Variants in SUCLG2 observed in about 807,000 individuals in gnomAD.
SUCLG2 encodes succinate-CoA ligase GDP-forming subunit beta, also known as succinate--CoA ligase [GDP-forming] subunit beta, mitochondrial.
A neutral mutation model predicts 47.9 loss-of-function variants in SUCLG2; 42 were observed. That is an observed-to-expected ratio of 0.88 (90% CI 0.69 to 1.14). The LOEUF (loss-of-function observed/expected upper bound fraction) is 1.14, where lower values mean the gene tolerates loss of function less well. Among genes scored for constraint, SUCLG2 ranks in the 50% most tolerant of loss-of-function variants. SUCLG2 has a pLI of 0.00. For missense variants in SUCLG2, 571 were observed against 525.9 expected (o/e 1.09, Z -0.84); for synonymous variants, 195 against 197.3 (o/e 0.99, Z 0.10).
chr3:67,447,807 G>A (rs1337702495), intron 9 of SUCLG2, among the ~76,000 whole-genome samples: 1 of 152,162 alleles, frequency 6.6e-6, no homozygotes, highest in African/African-American at 2.4e-5. Flanking sequence ...TCAGCTCACT[G>A]CAACCTCTGC....
intron 9 of SUCLG2, among the ~76,000 whole-genome samples, chr3:67,404,599 G>A (rs551996157): frequency 6.6e-6 from 1 of 152,126 alleles, no homozygotes; most frequent in Non-Finnish European, 1.5e-5. Flanking sequence ...ACCCTAAGAG[G>A]AAAGTCACCA....
At chr3:67,458,113 G>A (rs1406863749) in intron 9 of SUCLG2, among the ~76,000 whole-genome samples, 4 of 152,118 alleles carry the variant, frequency 2.6e-5, no homozygotes, top group African/African-American at 4.8e-5. Flanking sequence ...CTGGGGATGA[G>A]GGAAGAGGCC....
chr3:67,609,815 T>C (rs779200506), intron 1 of SUCLG2, among the ~76,000 whole-genome samples: 9 of 152,148 alleles, frequency 5.9e-5, no homozygotes, highest in Non-Finnish European at 8.8e-5. Context: ...ATGCAGGTTT[T>C]TTAAAAATGC....
At chr3:67,546,778 G>A (rs1418734005) in intron 2 of SUCLG2, among the ~76,000 whole-genome samples, 1 of 149,548 alleles carries the variant, frequency 6.7e-6, no homozygotes, top group African/African-American at 2.5e-5. Flanking sequence ...GCAGGTGCCT[G>A]TAATCCCAGC....
At chr3:67,585,780 T>C (rs1157264781) in intron 2 of SUCLG2, among the ~76,000 whole-genome samples, 1 of 151,924 alleles carries the variant, frequency 6.6e-6, no homozygotes, top group East Asian at 1.9e-4. Context: ...CTGGCTGACA[T>C]GGCAAAACCC....
intron 9 of SUCLG2, among the ~76,000 whole-genome samples, chr3:67,463,494 T>G (rs562336218): frequency 6.6e-6 from 1 of 152,226 alleles, no homozygotes; most frequent in African/African-American, 2.4e-5. Flanking sequence ...AAGGAAACTA[T>G]GACAAAGGAT....
In SUCLG2 at chr3:67,475,988, CCTCT is replaced by C. The variant is rs113119377; in HGVS notation, c.1062+19806_1062+19809del. Among the ~76,000 whole-genome samples the C allele has an allele frequency of 2.2e-3, 316 of 146,040 alleles. 1 individual carries two copies. The highest frequency in any genetic ancestry group is 3.8e-3 in the East Asian group (19 of 4,944). Reference sequence around the variant, plus strand: ...TGAGTATTCCTTCCCTTTCCTTCTCCCTCTCTCTCTCTCTCTCTCTCTCTCACAA... The same window carrying C: ...TGAGTATTCCTTCCCTTTCCTTCTCCCTCTCTCTCTCTCTCTCTCTCACAA... On this transcript the variant is annotated intron_variant, in intron 9 of 10. Coordinates refer to ENST00000307227, the MANE Select transcript of SUCLG2 (RefSeq NM_003848.4).
chr3:67,610,819 T>C (rs1700514774), intron 1 of SUCLG2, among the ~76,000 whole-genome samples: 1 of 152,212 alleles, frequency 6.6e-6, no homozygotes, highest in South Asian at 2.1e-4. Flanking sequence ...ACTGTGTCCT[T>C]AAAATGTCAT....
At chr3:67,494,333 G>A (rs150550072) in intron 9 of SUCLG2, among the ~76,000 whole-genome samples, 3,310 of 152,240 alleles carry the variant, frequency 0.022, 47 homozygotes, top group Non-Finnish European at 0.036. Flanking sequence ...TTGAGACAAT[G>A]ATTCTCAAAT....
intron 9 of SUCLG2, among the ~76,000 whole-genome samples, chr3:67,432,139 G>C (rs925495481): frequency 6.6e-6 from 1 of 152,130 alleles, no homozygotes; most frequent in Non-Finnish European, 1.5e-5. Context: ...AGGCTAGATG[G>C]GAGGCTAACT....
At chr3:67,430,694 T>C (rs942806366) in intron 9 of SUCLG2, among the ~76,000 whole-genome samples, 2 of 152,008 alleles carry the variant, frequency 1.3e-5, no homozygotes, top group Admixed American at 6.5e-5. Flanking sequence ...ACAAAATTGA[T>C]AGACCACTAG....
chr3:67,553,088 C>T (rs1448246719), intron 2 of SUCLG2, among the ~76,000 whole-genome samples: 2 of 152,190 alleles, frequency 1.3e-5, no homozygotes, highest in Non-Finnish European at 2.9e-5. Context: ...TCTCCCATCC[C>T]AACCAAGAAG....
Position 67,402,377 on chromosome 3 carries a change from CTT to C in SUCLG2, c.1063-1528_1063-1527del, listed in dbSNP as rs369361729. On this transcript the variant is annotated intron_variant, in intron 9 of 10. Coordinates refer to ENST00000307227, the MANE Select transcript of SUCLG2 (RefSeq NM_003848.4). ...AATTCAAATATAATGGAAATACAAA[CTT>C]ATTGAAATTCAACAAAAAGGTAATG... 5.0e-3 allele frequency among the ~76,000 whole-genome samples: 766 copies of C among 152,266 alleles called. 3 individuals carry two copies. Among genetic ancestry groups the C allele is most frequent in the South Asian group, 8.1e-3 (39 of 4,824 alleles).
At chr3:67,428,139 G>C (rs1309434534) in intron 9 of SUCLG2, among the ~76,000 whole-genome samples, 1 of 152,170 alleles carries the variant, frequency 6.6e-6, no homozygotes, top group East Asian at 1.9e-4. Flanking sequence ...TGGACAGACT[G>C]CCTCCTCAAG....
At chr3:67,433,023 G>T (rs897660178) in intron 9 of SUCLG2, among the ~76,000 whole-genome samples, 3 of 152,190 alleles carry the variant, frequency 2.0e-5, no homozygotes, top group African/African-American at 7.2e-5. Flanking sequence ...ATAAAGCTGA[G>T]ATGGTATCTT....
chr3:67,456,390 T>A (rs916130090), intron 9 of SUCLG2, among the ~76,000 whole-genome samples: 1 of 152,208 alleles, frequency 6.6e-6, no homozygotes, highest in Non-Finnish European at 1.5e-5. Context: ...TCAATGCTCC[T>A]CAAATGTAAC....
intron 9 of SUCLG2, among the ~76,000 whole-genome samples, chr3:67,448,535 C>A (rs1703980697): frequency 6.6e-6 from 1 of 152,130 alleles, no homozygotes; most frequent in African/African-American, 2.4e-5. Context: ...CAGACATGTG[C>A]CACCATACCC....
chr3:67,376,336 A>G, intron 10 of SUCLG2: 1 of 985,358 alleles, frequency 1.0e-6, no homozygotes, highest in Non-Finnish European at 1.2e-6. Context: ...ACTCTATAAA[A>G]TGAAATGGGC....
At chr3:67,436,056 A>G (rs1703612186) in intron 9 of SUCLG2, among the ~76,000 whole-genome samples, 1 of 152,210 alleles carries the variant, frequency 6.6e-6, no homozygotes, top group African/African-American at 2.4e-5. Context: ...GCAATTCTAA[A>G]AAAATTAAGG....
Sources: allele counts gnomAD v4.1 joint callset (sites outside exome capture counted in the v4.1 genomes callset), GRCh38; gene constraint gnomAD v4.1.1; transcripts MANE v1.5; gene names NCBI Gene and HGNC (gene_info 2026-07-23, HGNC 2026-07-21).